The following ATP9B variants were observed in gnomAD, a reference collection of about 807,000 sequenced individuals.
ATP9B encodes probable phospholipid-transporting ATPase IIB.
A neutral mutation model predicts 146.1 loss-of-function variants in ATP9B; 110 were observed. The observed-to-expected ratio is 0.75, with a 90% CI of 0.65 to 0.88. The LOEUF (loss-of-function observed/expected upper bound fraction) is 0.88. ATP9B is among the 40% of genes least tolerant of loss of function. The pLI is 0.00. For synonymous variants in ATP9B, 604 were observed against 569.7 expected (o/e 1.06, Z -0.86); for missense variants, 1,499 against 1,496.4 (o/e 1.00, Z -0.03).
intron 25 of ATP9B, among the ~76,000 whole-genome samples, chr18:79,356,656 G>C (rs1447069619): frequency 6.6e-6 from 1 of 152,198 alleles, no homozygotes; most frequent in African/African-American, 2.4e-5. Flanking sequence ...AGTTCCATTT[G>C]CATAGCATTC....
intron 26 of ATP9B, among the ~76,000 whole-genome samples, chr18:79,370,946 A>T (rs1400669890): frequency 6.6e-6 from 1 of 152,260 alleles, no homozygotes; most frequent in Non-Finnish European, 1.5e-5. Context: ...ACTTAATTAC[A>T]GATGAATTTC....
intron 7 of ATP9B, among the ~76,000 whole-genome samples, chr18:79,171,879 T>G (rs927362708): frequency 2.8e-5 from 2 of 70,790 alleles, no homozygotes; most frequent in Admixed American, 1.2e-4. Context: ...CGGAGACTCG[T>G]TTTTTTTTGT....
intron 13 of ATP9B, among the ~76,000 whole-genome samples, chr18:79,302,581 A>AAT (rs1223289351): frequency 6.6e-6 from 1 of 152,230 alleles, no homozygotes; most frequent in Non-Finnish European, 1.5e-5. Flanking sequence ...ATGCACATGT[A>AAT]ATATGTGTAT....
At chr18:79,245,577 G>A (rs113893589) in intron 11 of ATP9B, among the ~76,000 whole-genome samples, 1,132 of 65,158 alleles carry the variant, frequency 0.017, 12 homozygotes, top group African/African-American at 0.038. Context: ...CTGACTGTGC[G>A]GAGGGCACCG....
intron 15 of ATP9B, among the ~76,000 whole-genome samples, chr18:79,327,164 T>C (rs1568694475): frequency 6.6e-6 from 1 of 152,258 alleles, no homozygotes; most frequent in Non-Finnish European, 1.5e-5. Context: ...TTTAAAATGT[T>C]CCTGAAGTGA....
chr18:79,271,601 G>C (rs566856101), intron 12 of ATP9B, among the ~76,000 whole-genome samples: 3,765 of 152,190 alleles, frequency 0.025, 142 homozygotes, highest in African/African-American at 0.085. Flanking sequence ...GTATTCCATG[G>C]TGTATATGTG....
chr18:79,208,923 G>T (rs547431838), intron 10 of ATP9B, among the ~76,000 whole-genome samples: 1 of 152,274 alleles, frequency 6.6e-6, no homozygotes, highest in African/African-American at 2.4e-5. Context: ...AGTGGGCCCT[G>T]AGCTCTGTAA....
At chr18:79,207,423 G>A (rs2095544882) in intron 10 of ATP9B, among the ~76,000 whole-genome samples, 1 of 152,208 alleles carries the variant, frequency 6.6e-6, no homozygotes, top group Non-Finnish European at 1.5e-5. Flanking sequence ...AAGTGACTGT[G>A]GAACGGAAAA....
chr18:79,218,488 C>G (rs1049716810), intron 11 of ATP9B, among the ~76,000 whole-genome samples: 1 of 151,072 alleles, frequency 6.6e-6, no homozygotes, highest in African/African-American at 2.4e-5. Flanking sequence ...TCCTCGTGTT[C>G]CGTGTCCGGC....
chr18:79,307,002 G>T lies in ATP9B; in HGVS notation c.1541G>T (p.Gly514Val). The T allele has an allele frequency of 1.2e-6, 2 of 1,614,130 alleles. No homozygotes were observed. The highest frequency in any genetic ancestry group is 1.7e-6 in the Non-Finnish European group (2 of 1,179,992). Residue 514 changes from glycine (G) to valine (V), a missense_variant, in exon 15 of 30, where the codon GGT (glycine) becomes GTT (valine). Coordinates refer to ENST00000426216, the MANE Select transcript of ATP9B (RefSeq NM_198531.5). ...DSYSQMQSQAGGNNTGSTPLR... is the reference protein window; with the variant it reads ...DSYSQMQSQAVGNNTGSTPLR... Reference sequence around the variant, plus strand: ...ATTCTAAAGATGCAGTCTCAAGCTGGTGGAAACAATACTGGTTCAACTCCA... The same window carrying T: ...ATTCTAAAGATGCAGTCTCAAGCTGTTGGAAACAATACTGGTTCAACTCCA...
rs942077351 is a variant in ATP9B at position 79,371,393 on chromosome 18, A to C, written c.3013-1432A>C. On this transcript the variant is annotated intron_variant, in intron 26 of 29. Coordinates refer to ENST00000426216, the MANE Select transcript of ATP9B (RefSeq NM_198531.5). ...CTTAAAAAAAAAAAAAAAAAAAAAA[A>C]AAAAAAAACAGTAGTGCTTCTTCGT... Among the ~76,000 whole-genome samples the C allele has an allele frequency of 2.6e-4, 40 of 151,218 alleles. 1 individual carries two copies. Among genetic ancestry groups the C allele is most frequent in the African/African-American group, 9.0e-4 (37 of 41,104 alleles).
rs190549337 is a variant in ATP9B, at chr18:79,374,272, G to A, written c.3274+171G>A. 1,317 of 730,710 alleles carry A rather than the reference G, an allele frequency of 1.8e-3. 32 individuals are homozygous for A. The African/African-American group carries it at 0.021, about 12-fold the overall frequency. 45.3% of individuals were successfully genotyped at this position (730,710 alleles called of 1,614,324 possible). Reference sequence around the variant, plus strand: ...ACCACGGATGAAGGCGCTGAGCCCCGTCGGTCACTGGCTGGCCGGTCCCCT... The same window carrying A: ...ACCACGGATGAAGGCGCTGAGCCCCATCGGTCACTGGCTGGCCGGTCCCCT... On this transcript the variant is annotated intron_variant, in intron 28 of 29. Coordinates refer to ENST00000426216, the MANE Select transcript of ATP9B (RefSeq NM_198531.5).
intron 12 of ATP9B, among the ~76,000 whole-genome samples, chr18:79,256,284 T>TATATATATATATATATACATAC (rs1217998447): frequency 9.8e-5 from 12 of 122,892 alleles, no homozygotes; most frequent in Non-Finnish European, 2.0e-4. Flanking sequence ...TATATATATA[T>TATATATATATATATATACATAC]ATACATACAT....
Position 79,193,186 on chromosome 18 carries a change from C to CT in ATP9B, c.883dup (p.Ser295PhefsTer28). ...ATTCAAATGTTCTGTATTCCAGGAC[C>CT]TTTTTTCTATCAGTGCTTATGTTTA... On this transcript the variant is annotated frameshift_variant, in exon 9 of 30. Transcript: ENST00000426216. LOFTEE classifies it high-confidence loss of function. 1 of 1,600,388 alleles carries CT rather than the reference C, an allele frequency of 6.2e-7. No individual in the cohort carries two copies. The highest frequency in any genetic ancestry group is 8.6e-7 in the Non-Finnish European group (1 of 1,169,328).
intron 11 of ATP9B, among the ~76,000 whole-genome samples, chr18:79,253,049 C>T (rs1447898284): frequency 6.6e-6 from 1 of 152,242 alleles, no homozygotes; most frequent in Non-Finnish European, 1.5e-5. Context: ...CCCTGCTGCG[C>T]GCCGAGCAAG....
At chr18:79,327,663 G>GCGTGCTCTCCGTGGTTAA in intron 15 of ATP9B, among the ~76,000 whole-genome samples, 1 of 144,860 alleles carries the variant, frequency 6.9e-6, no homozygotes, top group African/African-American at 2.6e-5. Flanking sequence ...TCCGTGTTTA[G>GCGTGCTCTCCGTGGTTAA]CGTGCTCTCC....
At chr18:79,096,150 T>C (rs2074761900) in intron 1 of ATP9B, among the ~76,000 whole-genome samples, 1 of 152,222 alleles carries the variant, frequency 6.6e-6, no homozygotes, top group South Asian at 2.1e-4. Flanking sequence ...AGATTGGTTT[T>C]TTCTGACTGG....
intron 12 of ATP9B, among the ~76,000 whole-genome samples, chr18:79,256,286 T>TAC (rs1555791765): frequency 0.032 from 3,962 of 123,024 alleles, 156 homozygotes; most frequent in Non-Finnish European, 0.043. Context: ...TATATATATA[T>TAC]ACATACATAG....
At chr18:79,200,852 T>G (rs2095479701) in intron 9 of ATP9B, among the ~76,000 whole-genome samples, 1 of 10,734 alleles carries the variant, frequency 9.3e-5, no homozygotes, top group Non-Finnish European at 2.0e-4. Context: ...AATGCTCAGT[T>G]GCCATTGAGG....
Sources: gnomAD v4.1 joint callset for allele counts (sites outside exome capture counted in the v4.1 genomes callset) on GRCh38, gnomAD v4.1.1 for gene constraint, MANE v1.5 for transcripts, NCBI Gene and HGNC (gene_info 2026-07-23, HGNC 2026-07-21) for gene names.